SUN1: variants seen among roughly 807,000 people sequenced by gnomAD.
SUN1 encodes the protein Sad1 and UNC84 domain containing 1, also known as SUN domain-containing protein 1.
In SUN1, 61 loss-of-function variants were observed where a neutral mutation model predicts 103.2. That is an observed-to-expected ratio of 0.59 (90% CI 0.48 to 0.73). SUN1 has a LOEUF of 0.73. Ranked by LOEUF, SUN1 falls within the 30% of genes least tolerant of loss-of-function variation. The probability of loss-of-function intolerance (pLI) is 0.00; values close to 1 mark genes in which losing one functional copy is unlikely to be tolerated. For missense variants in SUN1, 1,052 were observed against 1,034.6 expected (o/e 1.02, Z -0.23); for synonymous variants, 490 against 425.7 (o/e 1.15, Z -1.86).
At chr7:829,173 T>G (rs1174617929), upstream of SUN1, among the ~76,000 whole-genome samples, 1 of 152,240 alleles carries the variant, frequency 6.6e-6, no homozygotes, top group Admixed American at 6.5e-5. Flanking sequence ...CGTTTTTCAC[T>G]TACTGTGTGG....
At chr7:817,765 T>A (rs1782191103) in intron 1 of SUN1, among the ~76,000 whole-genome samples, 1 of 152,238 alleles carries the variant, frequency 6.6e-6, no homozygotes, top group Non-Finnish European at 1.5e-5. Flanking sequence ...TTGATAGTTT[T>A]TTGAAGCCTT....
intron 5 of SUN1, among the ~76,000 whole-genome samples, chr7:845,228 T>A (rs2128317303): frequency 6.6e-6 from 1 of 152,288 alleles, no homozygotes; most frequent in East Asian, 1.9e-4. Context: ...GAGTGTATCT[T>A]TAGATGGAAA....
intron 13 of SUN1, among the ~76,000 whole-genome samples, chr7:858,982 C>T (rs565348287): frequency 1.3e-5 from 2 of 152,080 alleles, no homozygotes; most frequent in South Asian, 2.1e-4. Context: ...GGTGAAACCG[C>T]GTCTCTACTA....
chr7:820,748 A>G (rs1420893417), intron 1 of SUN1, among the ~76,000 whole-genome samples: 2 of 152,204 alleles, frequency 1.3e-5, no homozygotes, highest in Non-Finnish European at 2.9e-5. Context: ...TGTTTTTACT[A>G]TGAAAAGGTG....
Position 853,557 on chromosome 7 carries a change from A to C in SUN1, c.1202A>C (p.Glu401Ala). 1 of 1,611,986 alleles carries C rather than the reference A, an allele frequency of 6.2e-7. No individual in the cohort carries two copies. The highest frequency in any genetic ancestry group is 8.5e-7 in the Non-Finnish European group (1 of 1,180,008). The change falls in exon 10 of 19, where the codon GAA becomes GCA. Residue 401 changes from glutamate to alanine, a missense_variant. Glu to Ala is a moderately radical substitution (Grantham distance 107, BLOSUM62 -1). This residue lies in a region of SUN1 where 846 missense variants were observed against 774.5 expected (regional missense o/e 1.09). Transcript: ENST00000401592. ...CTGCAGGCTCGGGTGGACCAGATGG[A>C]AGGCGGCGCTGCCGGGCCGTCAGCT... ...QKLQARVDQM[E>A]GGAAGPSASV...
At chr7:824,357 C>G (rs1789288005) in intron 1 of SUN1, among the ~76,000 whole-genome samples, 2 of 152,178 alleles carry the variant, frequency 1.3e-5, no homozygotes, top group Admixed American at 6.5e-5. Flanking sequence ...CACATCCCTG[C>G]TTGAGGGCCG....
At chr7:852,267 G>T in intron 7 of SUN1, 1 of 605,646 alleles carries the variant, frequency 1.7e-6, no homozygotes, top group Non-Finnish European at 2.9e-6. Flanking sequence ...TGAGGCAGCT[G>T]GGAGGGCCTG....
chr7:870,150 A>T (rs1554265484), intron 17 of SUN1, among the ~76,000 whole-genome samples: 1 of 149,900 alleles, frequency 6.7e-6, no homozygotes, highest in Non-Finnish European at 1.5e-5. Flanking sequence ...GGTTGCCGTG[A>T]GCTGAGATCC....
chr7:854,347 G>A (rs756125543), intron 10 of SUN1, among the ~76,000 whole-genome samples: 21 of 152,388 alleles, frequency 1.4e-4, no homozygotes, highest in East Asian at 1.2e-3. Flanking sequence ...TCACGTTTGC[G>A]TCTGCACTGC....
chr7:816,113 C>CG, upstream of SUN1: 2 of 291,482 alleles, frequency 6.9e-6, no homozygotes, highest in African/African-American at 4.9e-5. Context: ...AAGATGCAGA[C>CG]CCTTCCCCCA....
intron 13 of SUN1, 21 bp downstream of exon 13, chr7:857,978 C>T: frequency 1.3e-6 from 2 of 1,535,858 alleles, no homozygotes; most frequent in Non-Finnish European, 1.8e-6. Context: ...TGCATGTTTA[C>T]TTTTTGTTTT....
chr7:855,207 A>G (rs2128416094), intron 11 of SUN1, among the ~76,000 whole-genome samples: 1 of 152,304 alleles, frequency 6.6e-6, no homozygotes. Flanking sequence ...TAACTCACGC[A>G]TCCCCGTGTC....
At chr7:871,870 T>G (rs4722018) in intron 17 of SUN1, among the ~76,000 whole-genome samples, 7 of 152,292 alleles carry the variant, frequency 4.6e-5, no homozygotes, top group Admixed American at 3.9e-4. Context: ...TAGAGCTTAC[T>G]GTTCTAATAA....
At chr7:843,048 A>G in intron 3 of SUN1, 158 bp from the exon 4 acceptor site, 1 of 1,024,832 alleles carries the variant, frequency 9.8e-7, no homozygotes, top group African/African-American at 1.6e-5. Context: ...TGGTATCTGC[A>G]TATATCTGGA....
intron 16 of SUN1, among the ~76,000 whole-genome samples, chr7:866,907 A>G (rs1837426103): frequency 6.6e-6 from 1 of 151,932 alleles, no homozygotes; most frequent in Non-Finnish European, 1.5e-5. Flanking sequence ...AGTTTAAAGC[A>G]CTAAAGGATG....
chr7:820,837 T>C (rs1301630061), intron 1 of SUN1, among the ~76,000 whole-genome samples: 1 of 152,196 alleles, frequency 6.6e-6, no homozygotes, highest in African/African-American at 2.4e-5. Flanking sequence ...GAAAAGATTG[T>C]GAGTATTCAG....
upstream of SUN1, chr7:832,443 C>T: frequency 2.1e-6 from 3 of 1,416,494 alleles, no homozygotes; most frequent in Non-Finnish European, 2.9e-6. Flanking sequence ...TTGACTGAGA[C>T]AGGAATGCGC....
upstream of SUN1, among the ~76,000 whole-genome samples, chr7:828,904 T>C (rs553493476): frequency 6.6e-6 from 1 of 152,360 alleles, no homozygotes; most frequent in African/African-American, 2.4e-5. Context: ...CAGGGCTTTC[T>C]GAGGCCCAGC....
chr7:817,184 T>C (rs1781427257), intron 1 of SUN1: 3 of 539,686 alleles, frequency 5.6e-6, no homozygotes, highest in South Asian at 2.0e-5. Flanking sequence ...GGTCTCGACC[T>C]CCTGAGCGCG....
Sources: allele counts gnomAD v4.1 joint callset (sites outside exome capture counted in the v4.1 genomes callset), GRCh38; gene constraint gnomAD v4.1.1; regional missense constraint gnomAD v4.1.1; transcripts MANE v1.5; gene names NCBI Gene and HGNC (gene_info 2026-07-23, HGNC 2026-07-21).